IL20RA: variants seen among roughly 807,000 people sequenced by gnomAD.
IL20RA encodes the protein interleukin 20 receptor subunit alpha, also known as interleukin-20 receptor subunit alpha.
In IL20RA, 29 loss-of-function variants were observed where a neutral mutation model predicts 36.5. That is an observed-to-expected ratio of 0.79 (90% CI 0.59 to 1.08). The LOEUF (loss-of-function observed/expected upper bound fraction) is 1.08. IL20RA is among the 50% of genes least tolerant of loss of function. The pLI, the probability that IL20RA is intolerant of heterozygous loss-of-function variation, is 0.00. For missense variants in IL20RA, 652 were observed against 668.4 expected (o/e 0.98, Z 0.27); for synonymous variants, 279 against 267.1 (o/e 1.04, Z -0.43).
chr6:137,016,720 T>A (rs1309175036), intron 2 of IL20RA, among the ~76,000 whole-genome samples: 2 of 152,312 alleles, frequency 1.3e-5, no homozygotes, highest in East Asian at 3.9e-4. Context: ...TAATGTTTTA[T>A]TATTAGAAAC....
chr6:137,004,764 T>A lies in IL20RA; in HGVS notation c.725-4A>T, dbSNP rs1775219043. Reference sequence around the variant, plus strand: ...GCCTTGAACTCTGATGATTGATCTGTAAAAAAAAAAAAAAAGGTGGGAATT... The same window carrying A: ...GCCTTGAACTCTGATGATTGATCTGAAAAAAAAAAAAAAAAGGTGGGAATT... On this transcript the variant is annotated splice_polypyrimidine_tract_variant and splice_region_variant and intron_variant, in intron 5 of 6. Coordinates refer to ENST00000316649, the MANE Select transcript of IL20RA (RefSeq NM_014432.4). 1.4e-6 allele frequency: 2 copies of A among 1,444,696 alleles called. No homozygotes were observed. The highest frequency in any genetic ancestry group is 3.0e-5 in the African/African-American group (2 of 67,708). The allele number at this position is 1,444,696 out of a possible 1,614,324, so 89.5% of individuals were successfully genotyped here.
intron 1 of IL20RA, among the ~76,000 whole-genome samples, chr6:137,024,615 A>G (rs1582831755): frequency 1.3e-5 from 2 of 152,292 alleles, no homozygotes; most frequent in Non-Finnish European, 1.5e-5. Context: ...TGCCAAATGC[A>G]CCGTGTTCAC....
chr6:137,032,106 A>G (rs2115416743), intron 1 of IL20RA, among the ~76,000 whole-genome samples: 1 of 152,076 alleles, frequency 6.6e-6, no homozygotes, highest in African/African-American at 2.4e-5. Context: ...CCAGTATGGT[A>G]TCTACTTGGT....
intron 5 of IL20RA, among the ~76,000 whole-genome samples, chr6:137,007,143 C>A (rs1370359303): frequency 6.6e-6 from 1 of 152,158 alleles, no homozygotes; most frequent in East Asian, 1.9e-4. Flanking sequence ...AAATTCATTC[C>A]CACCAGCTGG....
intron 2 of IL20RA, among the ~76,000 whole-genome samples, chr6:137,012,096 G>A (rs1465476019): frequency 1.3e-5 from 2 of 152,154 alleles, no homozygotes; most frequent in Non-Finnish European, 2.9e-5. Context: ...GGGAGAGACT[G>A]AAGTGTAGAG....
At chr6:137,029,724 C>T (rs956379787) in intron 1 of IL20RA, among the ~76,000 whole-genome samples, 2 of 152,068 alleles carry the variant, frequency 1.3e-5, no homozygotes, top group Non-Finnish European at 2.9e-5. Flanking sequence ...TTTGGGACCA[C>T]TAAAGTACTG....
chr6:137,011,023 G>T (rs1190464430), intron 3 of IL20RA, among the ~76,000 whole-genome samples: 3 of 152,044 alleles, frequency 2.0e-5, no homozygotes, highest in African/African-American at 7.3e-5. Flanking sequence ...GATAGCATGA[G>T]CCCAGGAGTT....
At chr6:137,005,844 C>T (rs1775258899) in intron 5 of IL20RA, among the ~76,000 whole-genome samples, 1 of 152,174 alleles carries the variant, frequency 6.6e-6, no homozygotes, top group South Asian at 2.1e-4. Context: ...CTGCAAACAT[C>T]AACTCTTCCG....
intron 1 of IL20RA, among the ~76,000 whole-genome samples, chr6:137,037,245 GA>G: frequency 6.6e-6 from 1 of 152,306 alleles, no homozygotes; most frequent in Middle Eastern, 3.4e-3. Context: ...AGTGGATAGT[GA>G]TTGAAGTATC....
chr6:137,030,398 T>C (rs1776239866), intron 1 of IL20RA, among the ~76,000 whole-genome samples: 1 of 152,146 alleles, frequency 6.6e-6, no homozygotes, highest in Non-Finnish European at 1.5e-5. Context: ...CAGTTTTCAA[T>C]GCATATATCA....
intron 1 of IL20RA, among the ~76,000 whole-genome samples, chr6:137,020,603 A>G (rs902413286): frequency 1.3e-5 from 2 of 152,178 alleles, no homozygotes; most frequent in Admixed American, 6.5e-5. Flanking sequence ...AAAAAATTAA[A>G]AACTACCCGA....
At chr6:137,008,790 GACCAC>G in intron 4 of IL20RA, 47 bp from the exon 5 acceptor site, 2 of 1,424,320 alleles carry the variant, frequency 1.4e-6, no homozygotes, top group Non-Finnish European at 1.9e-6. Flanking sequence ...ACATTTCTGG[GACCAC>G]CCCAGACAAA....
chr6:137,044,418 A>T (rs1776822233), intron 1 of IL20RA: 1 of 973,716 alleles, frequency 1.0e-6, no homozygotes. Flanking sequence ...AGTCCTGCAA[A>T]CTTGACCCCG....
At chr6:137,004,868 C>A (rs966791500) in intron 5 of IL20RA, 108 bp from the exon 6 acceptor site, 1 of 1,045,510 alleles carries the variant, frequency 9.6e-7, no homozygotes, top group Non-Finnish European at 1.4e-6. Context: ...GTGCAGATCA[C>A]TTACATTTGG....
rs143281346 is a variant in IL20RA at position 137,028,170 on chromosome 6, C to T, written c.89-11067G>A. On this transcript the variant is annotated intron_variant, in intron 1 of 6. Coordinates refer to ENST00000316649, the MANE Select transcript of IL20RA (RefSeq NM_014432.4). Reference sequence around the variant, plus strand: ...CAGTGGCTCACGCCTATAATCCTAGCACTCTGGGAGGCCGAGGTGGTTGGA... The same window carrying T: ...CAGTGGCTCACGCCTATAATCCTAGTACTCTGGGAGGCCGAGGTGGTTGGA... 5.2e-3 allele frequency among the ~76,000 whole-genome samples: 799 copies of T among 152,276 alleles called. 6 individuals are homozygous for T. The highest frequency in any genetic ancestry group is 0.018 in the African/African-American group (744 of 41,554).
intron 2 of IL20RA, among the ~76,000 whole-genome samples, chr6:137,014,435 T>G (rs947811719): frequency 2.6e-5 from 4 of 152,148 alleles, no homozygotes; most frequent in Non-Finnish European, 5.9e-5. Flanking sequence ...AAAAATTAGA[T>G]TATACCATAC....
chr6:137,004,483 T>C, intron 6 of IL20RA, 138 bp downstream of exon 6: 6 of 902,320 alleles, frequency 6.6e-6, no homozygotes, highest in Non-Finnish European at 1.0e-5. Flanking sequence ...GCCCAGAAAC[T>C]GTTTTTTAAT....
At chr6:137,006,950 C>T (rs1775304204) in intron 5 of IL20RA, among the ~76,000 whole-genome samples, 1 of 152,162 alleles carries the variant, frequency 6.6e-6, no homozygotes, top group African/African-American at 2.4e-5. Flanking sequence ...TCTTGAACTC[C>T]TGGGCTCAAG....
intron 1 of IL20RA, among the ~76,000 whole-genome samples, chr6:137,029,500 G>C (rs917098128): frequency 6.6e-6 from 1 of 150,388 alleles, no homozygotes; most frequent in Non-Finnish European, 1.5e-5. Flanking sequence ...GAGTGAGACT[G>C]TGTCTCTAAA....
Sources: allele counts gnomAD v4.1 joint callset (sites outside exome capture counted in the v4.1 genomes callset), GRCh38; gene constraint gnomAD v4.1.1; transcripts MANE v1.5; gene names NCBI Gene and HGNC (gene_info 2026-07-23, HGNC 2026-07-21).